AHRR: variants seen among roughly 807,000 people sequenced by gnomAD.
AHRR encodes ahR repressor.
In AHRR, 28 loss-of-function variants were observed where a neutral mutation model predicts 44.0. That is an observed-to-expected ratio of 0.64 (90% CI 0.47 to 0.87). The LOEUF is 0.87. AHRR is among the 40% of genes least tolerant of loss of function. The pLI is 0.00. For synonymous variants in AHRR, 434 were observed against 407.0 expected (o/e 1.07, Z -0.80); for missense variants, 990 against 953.9 (o/e 1.04, Z -0.50).
intron 2 of AHRR, among the ~76,000 whole-genome samples, chr5:350,056 T>G (rs1447111813): frequency 2.0e-5 from 3 of 152,236 alleles, no homozygotes; most frequent in Admixed American, 2.0e-4. Flanking sequence ...CTCAGTAATG[T>G]AGGTCCCCAG....
At position 379,257 on chromosome 5, in the gene AHRR, G is replaced by A. The variant is rs190207063; in HGVS notation, c.351+2541G>A. 1.4e-4 allele frequency among the ~76,000 whole-genome samples: 21 copies of A among 152,276 alleles called. No individual in the cohort carries two copies. The East Asian group carries it at 2.1e-3, about 15-fold the overall frequency. On this transcript the variant is annotated intron_variant, in intron 4 of 10. Coordinates refer to ENST00000684583, the MANE Select transcript of AHRR (RefSeq NM_001377236.1). The stretch of plus-strand genomic sequence containing the variant: ...CCGGTTAGGATTTGGGCTCATCCAC[G>A]GTGCTGCGGGCCGCTGGTTTGTTTC...
In AHRR at chr5:376,900, G is replaced by A. The variant is rs146997329; in HGVS notation, c.351+184G>A. ...ATCTGTTGAAGAAGGGTGTCCCTGG[G>A]TCGGGGTCAGCCTTGGGTGTGAGCC... On this transcript the variant is annotated intron_variant, in intron 4 of 10. Coordinates refer to ENST00000684583, the MANE Select transcript of AHRR (RefSeq NM_001377236.1). Among the ~76,000 whole-genome samples the A allele has an allele frequency of 5.6e-3, 846 of 152,298 alleles. 9 individuals carry two copies. The highest frequency in any genetic ancestry group is 0.019 in the African/African-American group (804 of 41,566).
chr5:426,703 A>T (rs950665160), intron 7 of AHRR, among the ~76,000 whole-genome samples: 5 of 148,578 alleles, frequency 3.4e-5, no homozygotes, highest in Non-Finnish European at 7.5e-5. Flanking sequence ...GGATGGGTGG[A>T]TGGATGGCTA....
At chr5:433,067 C>A in intron 10 of AHRR, 120 bp downstream of exon 10, 1 of 1,256,344 alleles carries the variant, frequency 8.0e-7, no homozygotes, top group Non-Finnish European at 1.1e-6. Context: ...CAGCCTTGGC[C>A]ACCACACGAG....
chr5:420,601 C>G (rs183722860), intron 5 of AHRR, among the ~76,000 whole-genome samples: 2 of 152,346 alleles, frequency 1.3e-5, no homozygotes, highest in Admixed American at 1.3e-4. Context: ...GAGCTAGACC[C>G]ATGAGGAAAC....
intron 2 of AHRR, among the ~76,000 whole-genome samples, chr5:351,756 A>G (rs1445469824): frequency 6.6e-6 from 1 of 152,354 alleles, no homozygotes; most frequent in Non-Finnish European, 1.5e-5. Context: ...ACTGAAAACA[A>G]CTGCTCTGGG....
At chr5:427,133 T>G (rs1736452583) in intron 7 of AHRR, among the ~76,000 whole-genome samples, 1 of 152,002 alleles carries the variant, frequency 6.6e-6, no homozygotes, top group African/African-American at 2.4e-5. Context: ...ATGGATGAAA[T>G]AAGGATAGAG....
intron 3 of AHRR, among the ~76,000 whole-genome samples, chr5:354,574 G>C (rs1245054054): frequency 6.6e-6 from 1 of 152,330 alleles, no homozygotes; most frequent in East Asian, 1.9e-4. Context: ...CTGGGAGCTG[G>C]GATCGCTCCA....
intron 3 of AHRR, among the ~76,000 whole-genome samples, chr5:361,585 G>A (rs1188723366): frequency 6.6e-6 from 1 of 152,164 alleles, no homozygotes; most frequent in African/African-American, 2.4e-5. Context: ...AAGAGGCCGG[G>A]CCTCTGGGCA....
chr5:347,539 G>T (rs1370670863), intron 2 of AHRR, among the ~76,000 whole-genome samples: 1 of 152,178 alleles, frequency 6.6e-6, no homozygotes, highest in Non-Finnish European at 1.5e-5. Flanking sequence ...GAGGAAAAAA[G>T]AGGGAAAAAA....
rs1743526782 is a variant in AHRR, at chr5:370,238, G to A, written c.245-6372G>A. Among the ~76,000 whole-genome samples the A allele has an allele frequency of 1.3e-5, 2 of 151,468 alleles. No individual in the cohort carries two copies. The highest frequency in any genetic ancestry group is 6.6e-5 in the Admixed American group (1 of 15,204). ...CCCTCGCTGGAAGCCCCGTCCTCCC[G>A]GGCCCTCGCTGGTGCCCCGACCTCC... On this transcript the variant is annotated intron_variant, in intron 3 of 10. Coordinates refer to ENST00000684583, the MANE Select transcript of AHRR (RefSeq NM_001377236.1). The surrounding 1 kb of genome is among the most constrained non-coding windows in gnomAD (Gnocchi z 4.5).
chr5:400,157 A>G (rs1734953570), intron 4 of AHRR, among the ~76,000 whole-genome samples: 2 of 152,240 alleles, frequency 1.3e-5, no homozygotes, highest in African/African-American at 4.8e-5. Flanking sequence ...AGGGGCAGCC[A>G]GGGGGATGTG....
In AHRR at chr5:395,164, G is replaced by A. The variant is rs902212618; in HGVS notation, c.352-18180G>A. 2.6e-5 allele frequency among the ~76,000 whole-genome samples: 4 copies of A among 152,154 alleles called. No homozygotes were observed. The highest frequency in any genetic ancestry group is 9.7e-5 in the African/African-American group (4 of 41,438). ...AACCCCAGATAGCCCAAGACTTCTG[G>A]GGTTCCCTCAGCTTTTCTGGGGATC... On this transcript the variant is annotated intron_variant, in intron 4 of 10. Coordinates refer to ENST00000684583, the MANE Select transcript of AHRR (RefSeq NM_001377236.1). This position sits in a 1 kb window ranked among gnomAD's most constrained non-coding sequence, Gnocchi z 5.3.
rs1029014983 is a variant in AHRR at position 370,119 on chromosome 5, C to T, written c.245-6491C>T. Among the ~76,000 whole-genome samples the T allele has an allele frequency of 6.2e-5, 9 of 145,414 alleles. No individual in the cohort carries two copies. The highest frequency in any genetic ancestry group is 2.1e-4 in the African/African-American group (8 of 39,024). ...CCTCCCGGGCCCTCGCTGGAAGCCC[C>T]GTCCTCCCGGGCCCTCGCTGGTGCC... On this transcript the variant is annotated intron_variant, in intron 3 of 10. Transcript: ENST00000684583. The surrounding 1 kb of genome is among the most constrained non-coding windows in gnomAD (Gnocchi z 4.5).
intron 1 of AHRR, among the ~76,000 whole-genome samples, chr5:336,663 A>G (rs116379361): frequency 8.5e-4 from 129 of 151,942 alleles, no homozygotes; most frequent in Non-Finnish European, 1.6e-3. Flanking sequence ...CAATTTATCA[A>G]TTTTTTTCTC....
intron 5 of AHRR, chr5:421,338 C>T (rs1319186965): frequency 2.9e-6 from 2 of 691,724 alleles, no homozygotes; most frequent in East Asian, 2.8e-5. Context: ...CAGGGGGATG[C>T]CGGTGGGTAT....
intron 1 of AHRR, among the ~76,000 whole-genome samples, chr5:339,476 T>G (rs1046703265): frequency 1.2e-4 from 18 of 152,360 alleles, no homozygotes; most frequent in Admixed American, 4.6e-4. Flanking sequence ...AGTTTTCTTT[T>G]ATTTTTATTT....
chr5:363,721 G>A (rs924236700), intron 3 of AHRR, among the ~76,000 whole-genome samples: 1 of 152,142 alleles, frequency 6.6e-6, no homozygotes, highest in East Asian at 1.9e-4. Context: ...TGCAGGCCTC[G>A]TGAAACCCCT....
chr5:376,815 C>T (rs1733723081), intron 4 of AHRR, 99 bp downstream of exon 4: 6 of 1,090,274 alleles, frequency 5.5e-6, no homozygotes, highest in Non-Finnish European at 5.4e-6. Flanking sequence ...TGTTCAGGCC[C>T]TCACCCAGGA....
Sources: allele counts gnomAD v4.1 joint callset (sites outside exome capture counted in the v4.1 genomes callset), GRCh38; gene constraint gnomAD v4.1.1; non-coding constraint Gnocchi (gnomAD v3.1); transcripts MANE v1.5; gene names NCBI Gene and HGNC (gene_info 2026-07-23, HGNC 2026-07-21).